OSBPL10: variants seen among roughly 807,000 people sequenced by gnomAD.
OSBPL10 encodes the protein oxysterol binding protein like 10.
In OSBPL10, 49 loss-of-function variants were observed where a neutral mutation model predicts 81.7. The observed-to-expected ratio is 0.60, with a 90% CI of 0.48 to 0.76. The LOEUF is 0.76. OSBPL10 is among the 30% of genes least tolerant of loss of function. The pLI is 0.00. For missense variants in OSBPL10, 923 were observed against 987.8 expected, an observed-to-expected ratio of 0.93 and a Z score of 0.88; for synonymous variants, 419 against 383.6, an observed-to-expected ratio of 1.09 and a Z score of -1.08.
intron 3 of OSBPL10, among the ~76,000 whole-genome samples, chr3:31,875,654 G>A (rs1034116763): frequency 6.6e-6 from 1 of 151,910 alleles, no homozygotes; most frequent in African/African-American, 2.4e-5. Context: ...ACATGGCCCT[G>A]ACCCAGAAAG....
chr3:31,777,707 A>T (rs1698580828), intron 4 of OSBPL10, among the ~76,000 whole-genome samples: 1 of 152,230 alleles, frequency 6.6e-6, no homozygotes, highest in African/African-American at 2.4e-5. Flanking sequence ...CCAAAGTGTG[A>T]GGGGAGAAAC....
At chr3:31,871,542 T>C (rs1476066083) in intron 3 of OSBPL10, among the ~76,000 whole-genome samples, 1 of 152,212 alleles carries the variant, frequency 6.6e-6, no homozygotes, top group African/African-American at 2.4e-5. Context: ...CCACTTTTCC[T>C]ATCCTAGAAG....
intron 4 of OSBPL10, among the ~76,000 whole-genome samples, chr3:31,798,366 G>A (rs925593106): frequency 6.6e-6 from 1 of 151,136 alleles, no homozygotes; most frequent in South Asian, 2.1e-4. Flanking sequence ...GGAGGCAGAG[G>A]TTGCAGTGAG....
At chr3:32,017,868 G>A (rs1699329450) in intron 2 of OSBPL10, among the ~76,000 whole-genome samples, 1 of 152,160 alleles carries the variant, frequency 6.6e-6, no homozygotes, top group Admixed American at 6.5e-5. Context: ...TAAAATGTCA[G>A]CCAGGCGCAG....
At chr3:31,765,694 G>GT (rs1290763828) in intron 4 of OSBPL10, among the ~76,000 whole-genome samples, 1 of 152,116 alleles carries the variant, frequency 6.6e-6, no homozygotes, top group Admixed American at 6.5e-5. Context: ...AAATTAGCAA[G>GT]TGAAAAAGGA....
At chr3:31,932,488 A>T (rs1697276431) in intron 1 of OSBPL10, among the ~76,000 whole-genome samples, 1 of 152,222 alleles carries the variant, frequency 6.6e-6, no homozygotes, top group African/African-American at 2.4e-5. Context: ...TTTCATTGGT[A>T]ATGGTTTCCC....
chr3:31,811,933 T>C (rs942932459), intron 4 of OSBPL10, among the ~76,000 whole-genome samples: 4 of 152,214 alleles, frequency 2.6e-5, no homozygotes, highest in Non-Finnish European at 5.9e-5. Context: ...GTCTAATTTG[T>C]TTAAAGAAAT....
chr3:31,830,446 G>A (rs933214194), intron 3 of OSBPL10, among the ~76,000 whole-genome samples: 1 of 151,908 alleles, frequency 6.6e-6, no homozygotes, highest in African/African-American at 2.4e-5. Context: ...ATCTCCAATT[G>A]TGCTTCCTGT....
In OSBPL10 at chr3:32,052,628, A is replaced by C. The variant is rs564259356; in HGVS notation, n.186-6025T>G. On this transcript the variant is annotated intron_variant and non_coding_transcript_variant, in intron 1 of 3. Coordinates refer to the OSBPL10 transcript ENST00000479173. The stretch of plus-strand genomic sequence containing the variant: ...CCACGGAATACCATGCAGCCATAAA[A>C]AAGGATGAGTTCATGCCCTTTGCAG... Among the ~76,000 whole-genome samples, 6 of 152,370 alleles carry C rather than the reference A, an allele frequency of 3.9e-5. No homozygotes were observed. The South Asian group carries it at 8.3e-4, about 21-fold the overall frequency.
chr3:31,907,737 A>G (rs571801973), intron 1 of OSBPL10, among the ~76,000 whole-genome samples: 6 of 148,572 alleles, frequency 4.0e-5, no homozygotes, highest in South Asian at 2.1e-4. Context: ...AGTTTATTTT[A>G]TTAAATTATG....
chr3:32,045,175 T>C (rs1394078417), intron 2 of OSBPL10, among the ~76,000 whole-genome samples: 1 of 152,188 alleles, frequency 6.6e-6, no homozygotes, highest in African/African-American at 2.4e-5. Flanking sequence ...GGATGGAGCA[T>C]AGATTGCTTT....
chr3:31,676,976 G>A (rs942010023), intron 8 of OSBPL10, among the ~76,000 whole-genome samples: 3 of 152,188 alleles, frequency 2.0e-5, no homozygotes, highest in African/African-American at 7.2e-5. Flanking sequence ...GCATAATGAA[G>A]CACTTCATAA....
intron 3 of OSBPL10, among the ~76,000 whole-genome samples, chr3:31,841,098 G>T (rs561372077): frequency 3.3e-5 from 5 of 152,182 alleles, no homozygotes; most frequent in African/African-American, 1.2e-4. Context: ...AGTAGAGACG[G>T]GGTTTCTCCA....
At chr3:31,989,454 A>T in intron 2 of OSBPL10, 1 of 1,614,240 alleles carries the variant, frequency 6.2e-7, no homozygotes, top group South Asian at 1.1e-5. Context: ...ATAGCCATGA[A>T]GCAACTATGA....
chr3:31,801,797 A>G (rs1010773757), intron 4 of OSBPL10, among the ~76,000 whole-genome samples: 1 of 151,916 alleles, frequency 6.6e-6, no homozygotes, highest in African/African-American at 2.4e-5. Context: ...TGCTTATAAG[A>G]ACTAAGACCT....
At chr3:31,981,912 C>G (rs1698857072), upstream of OSBPL10, 1 of 152,158 alleles carries the variant, frequency 6.6e-6, no homozygotes, top group Admixed American at 6.5e-5. The surrounding 1 kb of genome is among the most constrained non-coding windows in gnomAD (Gnocchi z 4.5). Flanking sequence ...GGTAAGCTCG[C>G]CGGGCATTTT....
intron 4 of OSBPL10, among the ~76,000 whole-genome samples, chr3:31,768,750 A>C (rs1698273546): frequency 6.6e-6 from 1 of 152,030 alleles, no homozygotes; most frequent in Non-Finnish European, 1.5e-5. Context: ...ACCTACATAC[A>C]CCTCTAAACA....
chr3:31,863,913 C>T (rs1433429239), intron 3 of OSBPL10, among the ~76,000 whole-genome samples: 1 of 152,140 alleles, frequency 6.6e-6, no homozygotes, highest in Non-Finnish European at 1.5e-5. Flanking sequence ...ACTAATACTA[C>T]TACTGTTACT....
At chr3:31,832,343 A>G (rs1700266079) in intron 3 of OSBPL10, among the ~76,000 whole-genome samples, 1 of 152,172 alleles carries the variant, frequency 6.6e-6, no homozygotes, top group African/African-American at 2.4e-5. Context: ...ATATTCTTTC[A>G]CTTTGAACTA....
Sources: gnomAD v4.1 joint callset for allele counts (sites outside exome capture counted in the v4.1 genomes callset) on GRCh38, gnomAD v4.1.1 for gene constraint, Gnocchi (gnomAD v3.1) non-coding constraint, MANE v1.5 for transcripts, NCBI Gene and HGNC (gene_info 2026-07-23, HGNC 2026-07-21) for gene names.